Variants in NCOR2 observed in about 807,000 individuals in gnomAD.
NCOR2 encodes CTG repeat protein 26.
In NCOR2, 81 loss-of-function variants were observed where a neutral mutation model predicts 262.9. That is an observed-to-expected ratio of 0.31 (90% CI 0.26 to 0.37). The LOEUF (loss-of-function observed/expected upper bound fraction) is 0.37, where lower values mean the gene tolerates loss of function less well. Ranked by LOEUF, NCOR2 falls within the 10% of genes least tolerant of loss-of-function variation. NCOR2 has a pLI of 1.00. For missense variants in NCOR2, 3,385 were observed against 3,621.4 expected (o/e 0.93, Z 1.68); for synonymous variants, 1,659 against 1,559.3 (o/e 1.06, Z -1.51).
intron 3 of NCOR2, among the ~76,000 whole-genome samples, chr12:124,480,850 G>A (rs990882551): frequency 1.5e-5 from 2 of 137,534 alleles, no homozygotes; most frequent in African/African-American, 2.7e-5. Context: ...AGGGGGTGGG[G>A]GAGCAAGGGA....
At chr12:124,355,265 C>A (rs981904975) in intron 24 of NCOR2, 167 bp downstream of exon 26, 5 of 776,952 alleles carry the variant, frequency 6.4e-6, no homozygotes, top group African/African-American at 1.8e-5. Context: ...AGGGACGAGG[C>A]CCTGAGTGCC....
At chr12:124,478,866 G>A (rs2047245579) in intron 3 of NCOR2, among the ~76,000 whole-genome samples, 1 of 152,172 alleles carries the variant, frequency 6.6e-6, no homozygotes, top group Non-Finnish European at 1.5e-5. Flanking sequence ...GAAAGAGATG[G>A]AGAGGCAGAG....
intron 7 of NCOR2, among the ~76,000 whole-genome samples, chr12:124,441,037 T>A (rs1307656256): frequency 6.6e-6 from 1 of 152,098 alleles, no homozygotes; most frequent in Non-Finnish European, 1.5e-5. Context: ...CAGGGTCCTG[T>A]GAGTTTCGAC....
At chr12:124,484,219 C>T (rs78946875) in intron 2 of NCOR2, among the ~76,000 whole-genome samples, 1,579 of 152,306 alleles carry the variant, frequency 0.01, 12 homozygotes, top group Non-Finnish European at 0.017. Context: ...TAACAGCACC[C>T]GTGATGCCAT....
intron 8 of NCOR2, 52 bp downstream of exon 10, chr12:124,437,878 G>C (rs997715046): frequency 6.4e-7 from 1 of 1,556,748 alleles, no homozygotes; most frequent in Non-Finnish European, 8.8e-7. Flanking sequence ...CTGTGCGCTC[G>C]ATTCTCCCCA....
At chr12:124,458,306 G>A (rs958841388) in intron 5 of NCOR2, among the ~76,000 whole-genome samples, 2 of 152,186 alleles carry the variant, frequency 1.3e-5, no homozygotes, top group Non-Finnish European at 2.9e-5. Context: ...CCAGGCTCCC[G>A]GGCTGCAGCA....
At chr12:124,334,172 T>TG (rs574044405) in intron 41 of NCOR2, among the ~76,000 whole-genome samples, 56 of 152,312 alleles carry the variant, frequency 3.7e-4, no homozygotes, top group African/African-American at 1.3e-3. Context: ...CTATGTCTCC[T>TG]GGGGGGCTGT....
chr12:124,516,063 C>T lies in NCOR2; in HGVS notation c.-118+19502G>A, dbSNP rs576894116. ...TGACAAGGGGACATGGATGAGAACC[C>T]CCCCGCCTTCGGAGGCCATTCTCGA... On this transcript the variant is annotated intron_variant, in intron 1 of 46. Coordinates refer to the NCOR2 transcript ENST00000404621. 1.1e-3 allele frequency among the ~76,000 whole-genome samples: 165 copies of T among 152,310 alleles called. 1 individual carries two copies. Among genetic ancestry groups the T allele is most frequent in the African/African-American group, 3.6e-3 (148 of 41,570 alleles).
At chr12:124,565,958 G>T (rs1055181771) in intron 1 of NCOR2, among the ~76,000 whole-genome samples, 1 of 152,050 alleles carries the variant, frequency 6.6e-6, no homozygotes, top group Non-Finnish European at 1.5e-5. Flanking sequence ...GCCTGCCCCG[G>T]GTCGCCCTCC....
chr12:124,386,869 C>T (rs942837361), intron 16 of NCOR2, among the ~76,000 whole-genome samples: 32 of 152,362 alleles, frequency 2.1e-4, no homozygotes, highest in African/African-American at 5.5e-4. Context: ...TCTCCAGCGG[C>T]GTGACCTTGT....
chr12:124,429,370 C>A, intron 10 of NCOR2: 1 of 544,650 alleles, frequency 1.8e-6, no homozygotes, highest in Non-Finnish European at 3.3e-6. Context: ...GGGGGAGCGC[C>A]AGGGCCCTCC....
chr12:124,378,213 C>T lies in NCOR2; in HGVS notation c.2167+24G>A. ...AGCTCGGACCCACAGCTGCCAGCCACCTCCAAGCCGCGCCAGCCCTCACCT... is the reference window on the plus strand; with the variant it reads ...AGCTCGGACCCACAGCTGCCAGCCATCTCCAAGCCGCGCCAGCCCTCACCT... On this transcript the variant is annotated intron_variant, in intron 18 of 46. Transcript: ENST00000405201. This position sits in a 1 kb window ranked among gnomAD's most constrained non-coding sequence, Gnocchi z 4.2. The T allele has an allele frequency of 6.2e-7, 1 of 1,608,670 alleles. No homozygotes were observed. Among genetic ancestry groups the T allele is most frequent in the South Asian group, 1.1e-5 (1 of 90,528 alleles).
rs1374060786 is a variant in NCOR2 at position 124,517,750 on chromosome 12, A to G, written c.-118+17815T>C. ...ACAGTGCCCACCCGGGTCCCCTCCC[A>G]CGCGGGCCGGCCAAGAAGCCTCACC... On this transcript the variant is annotated intron_variant, in intron 1 of 46. Transcript: ENST00000404621. The surrounding 1 kb of genome is among the most constrained non-coding windows in gnomAD (Gnocchi z 7.6). 6.6e-6 allele frequency among the ~76,000 whole-genome samples: 1 copy of G among 152,048 alleles called. No homozygotes were observed. Among genetic ancestry groups the G allele is most frequent in the Non-Finnish European group, 1.5e-5 (1 of 67,978 alleles).
At chr12:124,445,481 G>A (rs183397271) in intron 7 of NCOR2, among the ~76,000 whole-genome samples, 47 of 152,350 alleles carry the variant, frequency 3.1e-4, no homozygotes, top group Non-Finnish European at 5.0e-4. Flanking sequence ...GAAGTCAAGC[G>A]TGAAATTAAC....
At chr12:124,374,066 G>T (rs1010956217) in intron 19 of NCOR2, among the ~76,000 whole-genome samples, 3 of 152,168 alleles carry the variant, frequency 2.0e-5, no homozygotes, top group African/African-American at 7.2e-5. Context: ...ACCCACACCC[G>T]GCTCTTCTTT....
At chr12:124,463,326 C>G (rs1393322973) in intron 5 of NCOR2, among the ~76,000 whole-genome samples, 1 of 152,224 alleles carries the variant, frequency 6.6e-6, no homozygotes, top group East Asian at 1.9e-4. Context: ...TCCTTCCGGC[C>G]CACCCGCTGC....
In NCOR2 at chr12:124,433,859, C is replaced by CAT. The variant is rs2044139027; in HGVS notation, c.883-3073_883-3072insAT. 1.0e-4 allele frequency among the ~76,000 whole-genome samples: 6 copies of CAT among 59,068 alleles called. No individual in the cohort carries two copies. In the Admixed American group the frequency reaches 1.1e-3, roughly 11 times the overall value. The allele number at this position is 59,068 out of a possible 152,430, so 38.8% of individuals were successfully genotyped here. On this transcript the variant is annotated intron_variant, in intron 8 of 46. Transcript: ENST00000405201. ...TCTCTCTGTCTTACACACACACACA[C>CAT]ACACACACACACACACACACACACA...
chr12:124,363,578 G>T (rs921897256), intron 21 of NCOR2, 101 bp downstream of exon 23: 5 of 1,090,152 alleles, frequency 4.6e-6, no homozygotes, highest in Non-Finnish European at 4.9e-6. Flanking sequence ...GGATGAGCTA[G>T]GCTGCAGGTG....
In NCOR2 at chr12:124,566,785, G is replaced by A. The variant is rs1414887801; in HGVS notation, c.-165+523C>T. Among the ~76,000 whole-genome samples the A allele has an allele frequency of 6.6e-6, 1 of 152,122 alleles. No homozygotes were observed. The highest frequency in any genetic ancestry group is 1.5e-5 in the Non-Finnish European group (1 of 68,000). The stretch of plus-strand genomic sequence containing the variant: ...CCCGCCCAGCGCCCCGTGGCCCCAC[G>A]CCTAGGAGGGACAAGGCTGGCTCTC... On this transcript the variant is annotated intron_variant, in intron 1 of 32. Transcript: ENST00000458234. The surrounding 1 kb of genome is among the most constrained non-coding windows in gnomAD (Gnocchi z 4.3).
Sources: allele counts gnomAD v4.1 joint callset (sites outside exome capture counted in the v4.1 genomes callset), GRCh38; gene constraint gnomAD v4.1.1; non-coding constraint Gnocchi (gnomAD v3.1); transcripts MANE v1.5; gene names NCBI Gene and HGNC (gene_info 2026-07-23, HGNC 2026-07-21).